FSHR: variants seen among roughly 807,000 people sequenced by gnomAD.
The protein encoded by FSHR is follicle-stimulating hormone receptor.
Under a neutral mutation model 52.1 loss-of-function variants are expected in FSHR, and 46 were observed. That is an observed-to-expected ratio of 0.88 (90% CI 0.70 to 1.13). The LOEUF (loss-of-function observed/expected upper bound fraction) is 1.13, where lower values mean the gene tolerates loss of function less well. FSHR is among the 50% of genes most tolerant of loss of function. The pLI, the probability that FSHR is intolerant of heterozygous loss-of-function variation, is 0.00. For missense variants in FSHR, 964 were observed against 834.6 expected (o/e 1.16, Z -1.91); for synonymous variants, 399 against 309.6 (o/e 1.29, Z -3.03).
Position 48,985,373 on chromosome 2 carries a change from C to T in FSHR, c.525-2207G>A, listed in dbSNP as rs772685145. Among the ~76,000 whole-genome samples, 7 of 152,130 alleles carry T rather than the reference C, an allele frequency of 4.6e-5. No individual in the cohort carries two copies. The South Asian group carries it at 1.0e-3, about 22-fold the overall frequency. ...GACTGAGGAACAGAGGAAACACGCA[C>T]GAAGCAGGTCTCTCCTGAGGCCCGA... On this transcript the variant is annotated intron_variant, in intron 6 of 9. Coordinates refer to ENST00000406846, the MANE Select transcript of FSHR (RefSeq NM_000145.4).
chr2:49,078,859 G>T (rs1230007422), intron 1 of FSHR, among the ~76,000 whole-genome samples: 1 of 151,882 alleles, frequency 6.6e-6, no homozygotes, highest in Admixed American at 6.6e-5. Context: ...TGGATACCCT[G>T]GCCTACACAA....
intron 2 of FSHR, among the ~76,000 whole-genome samples, chr2:49,052,363 CTT>C (rs144870135): frequency 0.02 from 2,992 of 152,294 alleles, 92 homozygotes; most frequent in African/African-American, 0.056. Flanking sequence ...AGATGATACA[CTT>C]TACATACTCA....
At chr2:49,147,753 G>T (rs1056629272) in intron 1 of FSHR, among the ~76,000 whole-genome samples, 2 of 151,494 alleles carry the variant, frequency 1.3e-5, no homozygotes, top group African/African-American at 4.9e-5. Context: ...CTTCTGCAGG[G>T]AATATAAACC....
rs748179566 is a variant in FSHR at position 49,028,399 on chromosome 2, G to T, written c.225-8239C>A. ...GCAGCATCAACCTGGAAGCCAGACAGGTCTAGATTCAAATTCTAGCCTTAT... is the reference window on the plus strand; with the variant it reads ...GCAGCATCAACCTGGAAGCCAGACATGTCTAGATTCAAATTCTAGCCTTAT... On this transcript the variant is annotated intron_variant, in intron 2 of 9. Transcript: ENST00000406846. Among the ~76,000 whole-genome samples, 28 of 152,170 alleles carry T rather than the reference G, an allele frequency of 1.8e-4. 1 individual carries two copies. Among genetic ancestry groups the T allele is most frequent in the Non-Finnish European group, 3.5e-4 (24 of 68,034 alleles).
chr2:49,033,753 A>G (rs191048682), intron 2 of FSHR, among the ~76,000 whole-genome samples: 82 of 152,270 alleles, frequency 5.4e-4, no homozygotes, highest in Non-Finnish European at 8.8e-5. Context: ...CCCAAGTGCC[A>G]GTGTCTGAGG....
At chr2:49,049,897 A>T (rs1046546056) in intron 2 of FSHR, among the ~76,000 whole-genome samples, 1 of 151,584 alleles carries the variant, frequency 6.6e-6, no homozygotes, top group African/African-American at 2.4e-5. Context: ...AATTCCAAAC[A>T]TATAAATACA....
chr2:48,968,978 T>C (rs1459282096), intron 8 of FSHR, 95 bp from the exon 9 acceptor site: 6 of 1,098,390 alleles, frequency 5.5e-6, no homozygotes, highest in African/African-American at 1.6e-5. Context: ...ACTAGTGATA[T>C]TCTTACATGG....
At chr2:49,133,777 C>A (rs993995581) in intron 1 of FSHR, among the ~76,000 whole-genome samples, 3 of 152,056 alleles carry the variant, frequency 2.0e-5, no homozygotes, top group Non-Finnish European at 2.9e-5. Context: ...CATCTACAAC[C>A]ATCTGATCTT....
At chr2:49,072,395 G>A (rs1019540220) in intron 1 of FSHR, among the ~76,000 whole-genome samples, 2 of 152,066 alleles carry the variant, frequency 1.3e-5, no homozygotes, top group African/African-American at 4.8e-5. Context: ...GCAGAAATTT[G>A]TAGATTTAAA....
chr2:49,013,014 A>T lies in FSHR; in HGVS notation c.374+4475T>A, dbSNP rs978624239. ...GTAGGGCCCTAAACCTGTTAGGATT[A>T]TTGCCATTATATAAGATAAGACACC... On this transcript the variant is annotated intron_variant, in intron 4 of 9. Transcript: ENST00000406846. Among the ~76,000 whole-genome samples, 3 of 151,816 alleles carry T rather than the reference A, an allele frequency of 2.0e-5. No individual in the cohort carries two copies. In the East Asian group the frequency reaches 5.8e-4, roughly 29 times the overall value.
At chr2:49,040,675 A>C (rs1415042145) in intron 2 of FSHR, among the ~76,000 whole-genome samples, 1 of 152,144 alleles carries the variant, frequency 6.6e-6, no homozygotes, top group Admixed American at 6.5e-5. Flanking sequence ...AAAGAATAGC[A>C]TGGATGTGGG....
In FSHR at chr2:49,087,070, G is replaced by GATTTT. The variant is rs60949511; in HGVS notation, c.153-18781_153-18780insAAAAT. On this transcript the variant is annotated intron_variant, in intron 1 of 9. Coordinates refer to ENST00000406846, the MANE Select transcript of FSHR (RefSeq NM_000145.4). Reference sequence around the variant, plus strand: ...GTAGTTGAGGGACCCTGTGGGCAGGGTTTTTTTTTTTTTTTTTTTTTTTTT... The same window carrying GATTTT: ...GTAGTTGAGGGACCCTGTGGGCAGGGATTTTTTTTTTTTTTTTTTTTTTTTTTTTT... 4.9e-3 allele frequency among the ~76,000 whole-genome samples: 423 copies of GATTTT among 86,732 alleles called. 7 individuals are homozygous for GATTTT. The highest frequency in any genetic ancestry group is 0.017 in the African/African-American group (402 of 23,384). 56.9% of individuals were successfully genotyped at this position (86,732 alleles called of 152,430 possible). A position where few individuals can be genotyped will look rare whatever the true frequency, so the allele number is the denominator to read the frequency against.
chr2:48,999,975 A>G (rs1188361294), intron 4 of FSHR, among the ~76,000 whole-genome samples: 1 of 152,124 alleles, frequency 6.6e-6, no homozygotes, highest in Non-Finnish European at 1.5e-5. Flanking sequence ...GACTATTACT[A>G]TTAGGACATG....
At chr2:49,131,138 T>A (rs375591376) in intron 1 of FSHR, among the ~76,000 whole-genome samples, 52 of 152,208 alleles carry the variant, frequency 3.4e-4, no homozygotes, top group African/African-American at 1.2e-3. Flanking sequence ...ATACAATAAA[T>A]GGGGAGATAG....
intron 1 of FSHR, among the ~76,000 whole-genome samples, chr2:49,111,329 C>T (rs949573695): frequency 1.3e-5 from 2 of 152,142 alleles, no homozygotes; most frequent in Admixed American, 6.5e-5. Flanking sequence ...TTGTTTTAAT[C>T]CACTGTCCAT....
intron 8 of FSHR, among the ~76,000 whole-genome samples, chr2:48,971,876 G>T (rs189484923): frequency 6.6e-6 from 1 of 152,162 alleles, no homozygotes; most frequent in East Asian, 1.9e-4. Flanking sequence ...CTTATTTGCT[G>T]GTTCCTCCAT....
At chr2:49,020,936 C>A (rs1476338935) in intron 2 of FSHR, among the ~76,000 whole-genome samples, 1 of 152,042 alleles carries the variant, frequency 6.6e-6, no homozygotes, top group African/African-American at 2.4e-5. Context: ...TGGGGCCTGT[C>A]AGGGGGTAGG....
chr2:49,098,805 T>C (rs1247898243), intron 1 of FSHR, among the ~76,000 whole-genome samples: 1 of 146,918 alleles, frequency 6.8e-6, no homozygotes, highest in Non-Finnish European at 1.5e-5. Context: ...ATATTTATAA[T>C]ATGTATACTT....
At chr2:49,153,660 T>C (rs904195874) in intron 1 of FSHR, among the ~76,000 whole-genome samples, 3 of 152,190 alleles carry the variant, frequency 2.0e-5, no homozygotes, top group Non-Finnish European at 2.9e-5. Context: ...TTAATCACAT[T>C]TTTTTCCAGT....
Sources: allele counts gnomAD v4.1 joint callset (sites outside exome capture counted in the v4.1 genomes callset), GRCh38; gene constraint gnomAD v4.1.1; transcripts MANE v1.5; gene names NCBI Gene and HGNC (gene_info 2026-07-23, HGNC 2026-07-21).